The following SPC25 variants were observed in gnomAD, a reference collection of about 807,000 sequenced individuals.
SPC25 encodes kinetochore protein Spc25.
A neutral mutation model predicts 29.6 loss-of-function variants in SPC25; 22 were observed. The ratio of observed to expected loss-of-function variants is 0.74; its 90% confidence interval spans 0.53 to 1.06. SPC25 has a LOEUF of 1.06. SPC25 is among the 50% of genes least tolerant of loss of function. The pLI is 0.00. For missense variants in SPC25, 230 were observed against 255.8 expected (o/e 0.90, Z 0.69); for synonymous variants, 91 against 90.4 (o/e 1.01, Z -0.04).
chr2:168,871,643 G>T, intron 6 of SPC25, 88 bp from the exon 7 acceptor site: 2 of 1,192,032 alleles, frequency 1.7e-6, no homozygotes, highest in Non-Finnish European at 2.3e-6. Flanking sequence ...GCTCTCATCT[G>T]GTTTGAATGT....
At chr2:168,881,847 A>AAT (rs2105830889) in intron 3 of SPC25, among the ~76,000 whole-genome samples, 1 of 152,364 alleles carries the variant, frequency 6.6e-6, no homozygotes, top group East Asian at 1.9e-4. Flanking sequence ...TAAATACCAT[A>AAT]AATCTTCAAA....
chr2:168,876,232 C>A, intron 4 of SPC25, 56 bp from the exon 5 acceptor site: 2 of 1,185,150 alleles, frequency 1.7e-6, no homozygotes, highest in South Asian at 3.4e-5. Flanking sequence ...AATTAATGCT[C>A]ACTGAGTTAA....
At chr2:168,876,598 TTC>T (rs1690090862) in intron 4 of SPC25, among the ~76,000 whole-genome samples, 3 of 61,628 alleles carry the variant, frequency 4.9e-5, no homozygotes, top group Non-Finnish European at 6.8e-5. Flanking sequence ...GTTTAGTTTT[TTC>T]TTTTTTTTTT....
chr2:168,884,021 G>A (rs895031054), intron 3 of SPC25, among the ~76,000 whole-genome samples: 1 of 151,884 alleles, frequency 6.6e-6, no homozygotes, highest in African/African-American at 2.4e-5. Context: ...CGCCTGCCTC[G>A]GCCTCCCAAA....
downstream of SPC25, among the ~76,000 whole-genome samples, chr2:168,868,037 A>G (rs1689901188): frequency 6.6e-6 from 1 of 152,156 alleles, no homozygotes; most frequent in African/African-American, 2.4e-5. Context: ...ACTAGAACGC[A>G]GGATTAAGAA....
At chr2:168,888,201 G>A (rs930262897) in intron 3 of SPC25, among the ~76,000 whole-genome samples, 2 of 152,096 alleles carry the variant, frequency 1.3e-5, no homozygotes. Context: ...CACTTGAGCC[G>A]AGGAGGTCGA....
chr2:168,863,892 A>G (rs1182186162), intron 4 of SPC25, among the ~76,000 whole-genome samples: 2 of 152,092 alleles, frequency 1.3e-5, no homozygotes, highest in African/African-American at 4.8e-5. Flanking sequence ...GCATAAGGAT[A>G]TATGATCCAA....
At chr2:168,865,225 A>T in intron 4 of SPC25, 3 of 421,450 alleles carry the variant, frequency 7.1e-6, no homozygotes, top group Non-Finnish European at 1.3e-5. Context: ...CCTAGAGATG[A>T]TCCAGTATAA....
chr2:168,864,389 G>A (rs2105809307), intron 4 of SPC25, among the ~76,000 whole-genome samples: 1 of 151,650 alleles, frequency 6.6e-6, no homozygotes, highest in South Asian at 2.1e-4. Context: ...CGGGTTCAAG[G>A]ATTCTCCTGC....
rs1159783772 is a variant in SPC25, at chr2:168,873,699, A to T, written c.452-16T>A. The T allele has an allele frequency of 1.9e-6, 3 of 1,550,040 alleles. No homozygotes were observed. Among genetic ancestry groups the T allele is most frequent in the African/African-American group, 1.4e-5 (1 of 73,540 alleles). ...AATTTCTCACCTGAAAAGAGATTAA[A>T]CTATTTAGTGTGTCAAAGCTTTCAA... On this transcript the variant is annotated splice_polypyrimidine_tract_variant and intron_variant, in intron 5 of 6. Transcript: ENST00000282074.
At chr2:168,883,052 C>T (rs1007323184) in intron 3 of SPC25, among the ~76,000 whole-genome samples, 2 of 151,716 alleles carry the variant, frequency 1.3e-5, no homozygotes, top group African/African-American at 4.8e-5. Flanking sequence ...AAATAGGATA[C>T]GTGCAAATAT....
downstream of SPC25, among the ~76,000 whole-genome samples, chr2:168,870,322 A>G (rs889910388): frequency 5.7e-4 from 87 of 151,732 alleles, 1 homozygote; most frequent in African/African-American, 2.1e-3. Context: ...CTAAAACACC[A>G]AAAGCAATGT....
rs1319502219 is a variant in SPC25, at chr2:168,877,364, G to C, written c.220C>G (p.Leu74Val). 1.2e-6 allele frequency: 2 copies of C among 1,613,552 alleles called. No individual in the cohort carries two copies. Among genetic ancestry groups the C allele is most frequent in the East Asian group, 4.5e-5 (2 of 44,808 alleles). The change falls in exon 4 of 7, where the codon CTC becomes GTC. Residue 74 changes from leucine (L) to valine (V), a missense_variant. Leu to Val is a conservative substitution (Grantham distance 32). Coordinates refer to ENST00000282074, the MANE Select transcript of SPC25 (RefSeq NM_020675.4). ...AAGTTATCCTTTTTTTCTTGAATGAGCTTATTTTGCCTGCTGATCTCTGTA... is the reference window on the plus strand; with the variant it reads ...AAGTTATCCTTTTTTTCTTGAATGACCTTATTTTGCCTGCTGATCTCTGTA... Reference protein sequence around the residue: ...YQNQISRQNKLIQEKKDNLLK... With the variant: ...YQNQISRQNKVIQEKKDNLLK...
At chr2:168,888,880 G>A (rs1328090803) in intron 3 of SPC25, among the ~76,000 whole-genome samples, 1 of 143,564 alleles carries the variant, frequency 7.0e-6, no homozygotes, top group Non-Finnish European at 1.5e-5. Context: ...ACCCAACTTG[G>A]CCTCCCAAAG....
intron 4 of SPC25, chr2:168,863,687 T>C (rs1689635979): frequency 1.0e-6 from 1 of 982,582 alleles, no homozygotes; most frequent in Non-Finnish European, 1.2e-6. Flanking sequence ...AGTTAAACTT[T>C]TGGCCTGTGA....
intron 5 of SPC25, among the ~76,000 whole-genome samples, chr2:168,875,023 G>A (rs566356013): frequency 8.5e-5 from 13 of 152,192 alleles, no homozygotes; most frequent in African/African-American, 2.4e-4. Context: ...ATACATTAGC[G>A]ATGTACATGT....
At chr2:168,876,257 A>C in intron 4 of SPC25, 81 bp from the exon 5 acceptor site, 2 of 976,972 alleles carry the variant, frequency 2.0e-6, no homozygotes, top group Non-Finnish European at 2.9e-6. Context: ...TTAAACTTAA[A>C]ATCAACTATA....
In SPC25 at chr2:168,862,093, G is replaced by C. The variant is rs368306515; in HGVS notation, n.419+11492C>G. On this transcript the variant is annotated intron_variant and non_coding_transcript_variant, in intron 4 of 4. Transcript: ENST00000479309. ...TATTTTAATTGCCTTCCCATATTGAGATTCTTAGCATGAATAAAACCCTGT... is the reference window on the plus strand; with the variant it reads ...TATTTTAATTGCCTTCCCATATTGACATTCTTAGCATGAATAAAACCCTGT... 169 of 1,545,944 alleles carry C rather than the reference G, an allele frequency of 1.1e-4. 1 individual carries two copies. Among genetic ancestry groups the C allele is most frequent in the Non-Finnish European group, 1.4e-4 (157 of 1,118,328 alleles).
intron 4 of SPC25, chr2:168,863,464 A>G: frequency 3.0e-6 from 3 of 985,292 alleles, no homozygotes; most frequent in Non-Finnish European, 3.6e-6. Context: ...TTGGATCCTG[A>G]CGGGGGCAGA....
Sources: allele counts gnomAD v4.1 joint callset (sites outside exome capture counted in the v4.1 genomes callset), GRCh38; gene constraint gnomAD v4.1.1; transcripts MANE v1.5; gene names NCBI Gene and HGNC (gene_info 2026-07-23, HGNC 2026-07-21).